The following DMTN variants were observed in gnomAD, a reference collection of about 807,000 sequenced individuals.
The protein encoded by DMTN is dematin actin binding protein, also known as dematin.
Under a neutral mutation model 59.4 loss-of-function variants are expected in DMTN, and 27 were observed. That is an observed-to-expected ratio of 0.45 (90% CI 0.33 to 0.63). The LOEUF (loss-of-function observed/expected upper bound fraction) is 0.63, where lower values mean the gene tolerates loss of function less well. Among genes scored for constraint, DMTN ranks in the 20% least tolerant of loss-of-function variants. The probability of loss-of-function intolerance (pLI) is 0.02; values close to 1 mark genes in which losing one functional copy is unlikely to be tolerated. For missense variants in DMTN, 451 were observed against 528.9 expected (o/e 0.85, Z 1.45); for synonymous variants, 221 against 203.7 (o/e 1.08, Z -0.72).
rs1442641622 is a variant in DMTN, at chr8:22,081,853, G to A, written c.*390G>A. The stretch of plus-strand genomic sequence containing the variant: ...GGGGTGGGAAGCGGCCAGGCAGAAA[G>A]AGCTCCAGGCTCTTGTGTCGCCCAC... On this transcript the variant is annotated 3_prime_UTR_variant, in exon 16 of 16. Transcript: ENST00000358242. 4.3e-6 allele frequency: 2 copies of A among 465,952 alleles called. No homozygotes were observed. Among genetic ancestry groups the A allele is most frequent in the Admixed American group, 4.7e-5 (2 of 42,818 alleles). The allele number at this position is 465,952 out of a possible 1,614,324, so 28.9% of individuals were successfully genotyped here.
intron 1 of DMTN, among the ~76,000 whole-genome samples, chr8:22,066,278 G>T (rs570018117): frequency 6.7e-4 from 102 of 152,334 alleles, no homozygotes; most frequent in African/African-American, 2.4e-3. Flanking sequence ...TTTGGATGAG[G>T]GATGCAGAAG....
chr8:22,056,571 T>G (rs1482646124), upstream of DMTN, among the ~76,000 whole-genome samples: 1 of 152,102 alleles, frequency 6.6e-6, no homozygotes, highest in Non-Finnish European at 1.5e-5. Context: ...TGTGGGTGTG[T>G]GTGTGCGTGT....
intron 6 of DMTN, 108 bp from the exon 7 acceptor site, chr8:22,069,771 CAG>C (rs1585949744): frequency 5.4e-6 from 7 of 1,303,446 alleles, no homozygotes; most frequent in Non-Finnish European, 7.7e-6. Flanking sequence ...TGGCTCTTGA[CAG>C]GGGCCAGTGA....
chr8:22,064,324 G>A (rs1159862066), intron 1 of DMTN, among the ~76,000 whole-genome samples: 1 of 152,272 alleles, frequency 6.6e-6, no homozygotes, highest in Admixed American at 6.5e-5. Flanking sequence ...AGCTCTTCAA[G>A]TATGTACCAG....
chr8:22,064,320 T>A (rs1300766073), intron 1 of DMTN, among the ~76,000 whole-genome samples: 1 of 152,262 alleles, frequency 6.6e-6, no homozygotes, highest in African/African-American at 2.4e-5. Flanking sequence ...TAATAGCTCT[T>A]CAAGTATGTA....
chr8:22,072,211 T>G (rs537130467), intron 8 of DMTN, 115 bp from the exon 9 acceptor site: 1 of 1,331,130 alleles, frequency 7.5e-7, no homozygotes, highest in Admixed American at 3.0e-5. Flanking sequence ...TAAAAAAATT[T>G]TGTAGTGGCC....
chr8:22,072,631 A>ATTTTTTTTTTTTTTTT (rs61068593), intron 9 of DMTN, among the ~76,000 whole-genome samples, 181 bp downstream of exon 9: 1 of 130,798 alleles, frequency 7.6e-6, no homozygotes, highest in Non-Finnish European at 1.6e-5. Context: ...CGCCCAGCTA[A>ATTTTTTTTTTTTTTTT]TTTTTTTTTT....
At chr8:22,079,774 T>C (rs550814533) in intron 10 of DMTN, among the ~76,000 whole-genome samples, 1 of 152,144 alleles carries the variant, frequency 6.6e-6, no homozygotes, top group Non-Finnish European at 1.5e-5. Flanking sequence ...AAAAAATTTT[T>C]TTTTTTTAGA....
At chr8:22,064,834 C>T (rs1377573524) in intron 1 of DMTN, among the ~76,000 whole-genome samples, 3 of 152,138 alleles carry the variant, frequency 2.0e-5, no homozygotes, top group African/African-American at 7.2e-5. Context: ...TTCTAGCTTT[C>T]CTCACTCTCA....
rs200296992 is a variant in DMTN, at chr8:22,082,025, C to G, written c.*562C>G. The G allele has an allele frequency of 2.2e-6, 1 of 456,926 alleles. No individual in the cohort carries two copies. Among genetic ancestry groups the G allele is most frequent in the Non-Finnish European group, 4.4e-6 (1 of 227,006 alleles). The allele number at this position is 456,926 out of a possible 1,614,324, so 28.3% of individuals were successfully genotyped here. A position where few individuals can be genotyped will look rare whatever the true frequency, so the allele number is the denominator to read the frequency against. ...TGCCCTGACCTCCGCTCGCAAACCC[C>G]GAGCTTCCAAGCCTTTTGCTCCAGC... is the stretch of plus-strand genomic sequence containing the variant. On this transcript the variant is annotated 3_prime_UTR_variant, in exon 16 of 16. Coordinates refer to ENST00000358242, the MANE Select transcript of DMTN (RefSeq NM_001387751.1).
chr8:22,050,245 T>G (rs1801205271), upstream of DMTN, among the ~76,000 whole-genome samples: 1 of 151,734 alleles, frequency 6.6e-6, no homozygotes, highest in Non-Finnish European at 1.5e-5. Context: ...ACCCAGCAAT[T>G]ACTTGAGGAC....
At chr8:22,051,387 A>C (rs1381832953), upstream of DMTN, among the ~76,000 whole-genome samples, 1 of 152,116 alleles carries the variant, frequency 6.6e-6, no homozygotes, top group Admixed American at 6.5e-5. Context: ...AGGCCACACA[A>C]ACTGGTTCCA....
chr8:22,052,059 C>T (rs1419299793), upstream of DMTN, among the ~76,000 whole-genome samples: 1 of 151,462 alleles, frequency 6.6e-6, no homozygotes, highest in Admixed American at 6.6e-5. Flanking sequence ...GTGTCCTGCT[C>T]TAGCACACAC....
chr8:22,068,057 G>A (rs972284534), intron 4 of DMTN, among the ~76,000 whole-genome samples: 1 of 152,190 alleles, frequency 6.6e-6, no homozygotes, highest in Non-Finnish European at 1.5e-5. Flanking sequence ...TGACCTTTCT[G>A]CCCATCCACG....
At chr8:22,072,899 T>G (rs1816835613) in intron 9 of DMTN, among the ~76,000 whole-genome samples, 1 of 152,152 alleles carries the variant, frequency 6.6e-6, no homozygotes. Flanking sequence ...CCCAGGATTT[T>G]GCTTTTGAAG....
chr8:22,071,579 ATATT>A (rs1392944028), intron 8 of DMTN, among the ~76,000 whole-genome samples: 1 of 150,298 alleles, frequency 6.7e-6, no homozygotes, highest in Non-Finnish European at 1.5e-5. Flanking sequence ...ATTTATATTT[ATATT>A]TATTTATTTA....
At chr8:22,068,793 A>C (rs1392570834) in intron 4 of DMTN, among the ~76,000 whole-genome samples, 3 of 152,302 alleles carry the variant, frequency 2.0e-5, no homozygotes, top group Middle Eastern at 3.4e-3. Flanking sequence ...TTGGAGCCCC[A>C]GGAGTACTGA....
At chr8:22,073,150 G>GCCGTGGTAGAGTT (rs888879219) in intron 9 of DMTN, among the ~76,000 whole-genome samples, 2 of 152,164 alleles carry the variant, frequency 1.3e-5, no homozygotes, top group African/African-American at 2.4e-5. Context: ...CAGGGAGGCC[G>GCCGTGGTAGAGTT]CCGTGGTAGA....
In DMTN at chr8:22,067,608, C is replaced by G; in HGVS notation, c.175C>G (p.Pro59Ala). The part of the protein sequence containing the change: ...KDKAILDIER[P>A]DLMIYEPHFT... Reference sequence around the variant, plus strand: ...CAAGGCCATCCTGGACATCGAGCGGCCCGACCTCATGATCTACGAGCCTCA... The same window carrying G: ...CAAGGCCATCCTGGACATCGAGCGGGCCGACCTCATGATCTACGAGCCTCA... Residue 59 changes from proline (P) to alanine (A), a missense_variant, in exon 4 of 16, where the codon CCC becomes GCC. By Grantham distance (27) the Pro-to-Ala change is conservative. Transcript: ENST00000358242. 2 of 1,614,188 alleles carry G rather than the reference C, an allele frequency of 1.2e-6. No homozygotes were observed. Among genetic ancestry groups the G allele is most frequent in the Non-Finnish European group, 1.7e-6 (2 of 1,180,046 alleles).
Sources: allele counts gnomAD v4.1 joint callset (sites outside exome capture counted in the v4.1 genomes callset), GRCh38; gene constraint gnomAD v4.1.1; transcripts MANE v1.5; gene names NCBI Gene and HGNC (gene_info 2026-07-23, HGNC 2026-07-21).